The following RBMS1 variants were observed in gnomAD, a reference collection of about 807,000 sequenced individuals.
The protein encoded by RBMS1 is RNA binding motif single stranded interacting protein 1, also known as RNA-binding motif, single-stranded-interacting protein 1.
RBMS1 carries 17 observed loss-of-function variants against 62.3 expected under a neutral mutation model. That is an observed-to-expected ratio of 0.27 (90% CI 0.19 to 0.41). The LOEUF (loss-of-function observed/expected upper bound fraction) is 0.41, where lower values mean the gene tolerates loss of function less well. RBMS1 is among the 10% of genes least tolerant of loss of function. The probability of loss-of-function intolerance (pLI) is 1.00; values close to 1 mark genes in which losing one functional copy is unlikely to be tolerated. For missense variants in RBMS1, 334 were observed against 504.5 expected (o/e 0.66, Z 3.24); for synonymous variants, 172 against 170.0 (o/e 1.01, Z -0.09).
intron 1 of RBMS1, among the ~76,000 whole-genome samples, chr2:160,464,501 A>G (rs1346387474): frequency 6.6e-6 from 1 of 152,192 alleles, no homozygotes; most frequent in Non-Finnish European, 1.5e-5. Flanking sequence ...ATTCATGGTG[A>G]GAGGTGCCTC....
At chr2:160,395,409 G>C (rs1047355898) in intron 1 of RBMS1, among the ~76,000 whole-genome samples, 1 of 152,126 alleles carries the variant, frequency 6.6e-6, no homozygotes, top group African/African-American at 2.4e-5. Context: ...CAGATCACGC[G>C]GTCAGGAGAT....
At chr2:160,323,181 T>TA (rs992026078) in intron 2 of RBMS1, among the ~76,000 whole-genome samples, 6 of 151,946 alleles carry the variant, frequency 3.9e-5, no homozygotes, top group African/African-American at 1.5e-4. Flanking sequence ...TTTTTTTTTT[T>TA]TTTTAAATCA....
At chr2:160,291,827 A>C (rs980524721) in intron 6 of RBMS1, among the ~76,000 whole-genome samples, 53 of 152,326 alleles carry the variant, frequency 3.5e-4, no homozygotes, top group African/African-American at 1.3e-3. Flanking sequence ...TTTATCAGTA[A>C]AACAATGATT....
At chr2:160,408,100 C>T (rs1251456403) in intron 1 of RBMS1, among the ~76,000 whole-genome samples, 4 of 151,482 alleles carry the variant, frequency 2.6e-5, no homozygotes, top group African/African-American at 9.7e-5. Flanking sequence ...CGCCCCCGCT[C>T]TGGTGCAATG....
At position 160,434,004 on chromosome 2, in the gene RBMS1, C is replaced by T. The variant is rs181528198; in HGVS notation, c.75+59285G>A. Among the ~76,000 whole-genome samples, 467 of 152,168 alleles carry T rather than the reference C, an allele frequency of 3.1e-3. 5 individuals carry two copies. Among genetic ancestry groups the T allele is most frequent in the African/African-American group, 0.011 (452 of 41,502 alleles). ...ATTTTAATCTCACATTTTTATGACCCTTTTGTTTAAAGTCAATATTTTAAT... is the reference window on the plus strand; with the variant it reads ...ATTTTAATCTCACATTTTTATGACCTTTTTGTTTAAAGTCAATATTTTAAT... On this transcript the variant is annotated intron_variant, in intron 1 of 13. Coordinates refer to ENST00000348849, the MANE Select transcript of RBMS1 (RefSeq NM_016836.4).
In RBMS1 at chr2:160,374,947, G is replaced by C. The variant is rs182202076; in HGVS notation, c.76-7556C>G. On this transcript the variant is annotated intron_variant, in intron 1 of 13. Transcript: ENST00000348849. ...CTACATCTCGGGCGGGGGACGGTGG[G>C]GGGGAGGAATTGAACGGAAAAGTTA... 1.8e-3 allele frequency among the ~76,000 whole-genome samples: 281 copies of C among 152,024 alleles called. 1 individual carries two copies. Among genetic ancestry groups the C allele is most frequent in the Admixed American group, 8.8e-3 (134 of 15,280 alleles).
intron 2 of RBMS1, among the ~76,000 whole-genome samples, chr2:160,320,765 C>T (rs1388045110): frequency 6.6e-6 from 1 of 152,130 alleles, no homozygotes; most frequent in Non-Finnish European, 1.5e-5. Context: ...GTACAACCGG[C>T]AGAACTACGA....
intron 1 of RBMS1, among the ~76,000 whole-genome samples, chr2:160,390,162 C>G (rs1230950462): frequency 6.6e-6 from 1 of 152,212 alleles, no homozygotes; most frequent in Non-Finnish European, 1.5e-5. Context: ...ACTCCACCCA[C>G]TTACACACCC....
intron 1 of RBMS1, among the ~76,000 whole-genome samples, chr2:160,444,132 G>A (rs887236797): frequency 6.6e-6 from 1 of 152,190 alleles, no homozygotes; most frequent in Non-Finnish European, 1.5e-5. Context: ...TGTACAGGTA[G>A]AAAACCAGTG....
At chr2:160,374,090 T>C (rs561534196) in intron 1 of RBMS1, among the ~76,000 whole-genome samples, 2 of 151,938 alleles carry the variant, frequency 1.3e-5, no homozygotes, top group South Asian at 4.2e-4. Context: ...CTGAATAACA[T>C]AGCAGGACCC....
chr2:160,350,510 C>A (rs1692434678), intron 2 of RBMS1, among the ~76,000 whole-genome samples: 1 of 151,974 alleles, frequency 6.6e-6, no homozygotes, highest in Admixed American at 6.6e-5. Context: ...TCATTACTGT[C>A]TACACAAGCC....
At chr2:160,384,980 C>A (rs887828512) in intron 1 of RBMS1, among the ~76,000 whole-genome samples, 1 of 152,002 alleles carries the variant, frequency 6.6e-6, no homozygotes, top group Non-Finnish European at 1.5e-5. Context: ...AAGTGTGTGG[C>A]CTTTCCCTCT....
At chr2:160,294,447 G>A (rs939886094) in intron 6 of RBMS1, among the ~76,000 whole-genome samples, 2 of 152,128 alleles carry the variant, frequency 1.3e-5, no homozygotes, top group African/African-American at 2.4e-5. Context: ...CATGCCACTC[G>A]GGTATGGAAA....
At chr2:160,442,820 C>T (rs533456632) in intron 1 of RBMS1, among the ~76,000 whole-genome samples, 8 of 152,278 alleles carry the variant, frequency 5.3e-5, no homozygotes, top group African/African-American at 1.7e-4. Context: ...AAGGAACAAC[C>T]GCCTGCTAGA....
chr2:160,304,478 T>C (rs527834460), intron 4 of RBMS1, among the ~76,000 whole-genome samples: 2 of 152,326 alleles, frequency 1.3e-5, no homozygotes, highest in Non-Finnish European at 2.9e-5. Context: ...AAGCCATGCT[T>C]ATCTTGTGAT....
At chr2:160,385,511 C>G (rs943743394) in intron 1 of RBMS1, among the ~76,000 whole-genome samples, 1 of 152,182 alleles carries the variant, frequency 6.6e-6, no homozygotes, top group Non-Finnish European at 1.5e-5. Flanking sequence ...CTGGCCTGTT[C>G]CAGACTGTCA....
chr2:160,448,906 AC>A (rs1162151118), intron 1 of RBMS1, among the ~76,000 whole-genome samples: 4 of 143,818 alleles, frequency 2.8e-5, no homozygotes, highest in Admixed American at 2.7e-4. Context: ...CTGCCCCGCC[AC>A]CCCATCTGGG....
chr2:160,355,602 T>G (rs1260145360), intron 2 of RBMS1, among the ~76,000 whole-genome samples: 1 of 152,036 alleles, frequency 6.6e-6, no homozygotes, highest in African/African-American at 2.4e-5. Context: ...ACCTTCTCAG[T>G]GAAGTACAAG....
At chr2:160,471,689 G>GTATATATATATATATA (rs1553532524) in intron 1 of RBMS1, among the ~76,000 whole-genome samples, 2 of 23,840 alleles carry the variant, frequency 8.4e-5, no homozygotes, top group South Asian at 2.4e-3. Context: ...AAATCCTTTG[G>GTATATATATATATATA]TGTATATATA....
Sources: allele counts gnomAD v4.1 joint callset (sites outside exome capture counted in the v4.1 genomes callset), GRCh38; gene constraint gnomAD v4.1.1; transcripts MANE v1.5; gene names NCBI Gene and HGNC (gene_info 2026-07-23, HGNC 2026-07-21).